The following ADGRL4 variants were observed in gnomAD, a reference collection of about 807,000 sequenced individuals.
ADGRL4 encodes adhesion G protein-coupled receptor L4, also known as EGF, latrophilin and seven transmembrane domain containing 1.
Under a neutral mutation model 74.8 loss-of-function variants are expected in ADGRL4, and 90 were observed. That is an observed-to-expected ratio of 1.20 (90% CI 1.02 to 1.43). ADGRL4 has a LOEUF of 1.43. ADGRL4 is among the 40% of genes most tolerant of loss of function. The pLI is 0.00. For missense variants in ADGRL4, 881 were observed against 814.3 expected (o/e 1.08, Z -1.00); for synonymous variants, 311 against 279.2 (o/e 1.11, Z -1.14).
At chr1:78,909,745 G>T (rs867271070) in intron 12 of ADGRL4, among the ~76,000 whole-genome samples, 4 of 151,816 alleles carry the variant, frequency 2.6e-5, no homozygotes, top group Non-Finnish European at 5.9e-5. Flanking sequence ...AGGACAATTT[G>T]TAAATTTTAA....
intron 2 of ADGRL4, among the ~76,000 whole-genome samples, chr1:78,981,265 T>G (rs77417425): frequency 0.016 from 2,369 of 151,962 alleles, 63 homozygotes; most frequent in African/African-American, 0.055. Context: ...GATAAAAAAT[T>G]TAATATTTTA....
At chr1:78,960,984 A>G (rs1351398877) in intron 2 of ADGRL4, among the ~76,000 whole-genome samples, 1 of 152,226 alleles carries the variant, frequency 6.6e-6, no homozygotes, top group Non-Finnish European at 1.5e-5. Context: ...CATTTTATGC[A>G]CCCATATTTA....
chr1:78,968,957 G>A (rs1009518264), intron 2 of ADGRL4, among the ~76,000 whole-genome samples: 2 of 152,182 alleles, frequency 1.3e-5, no homozygotes, highest in African/African-American at 4.8e-5. Flanking sequence ...GAGCTGAAAT[G>A]TTCAAGAATA....
rs977244646 is a variant in ADGRL4 at position 78,977,027 on chromosome 1, T to C, written c.172+28043A>G. 2.8e-4 allele frequency among the ~76,000 whole-genome samples: 43 copies of C among 151,702 alleles called. 1 individual carries two copies. Among genetic ancestry groups the C allele is most frequent in the Non-Finnish European group, 3.0e-5 (2 of 67,772 alleles). ...ACAGAGGGAAGAATCCTAAATATAATTGTAACACTTAATCCAACTATACAT... is the reference window on the plus strand; with the variant it reads ...ACAGAGGGAAGAATCCTAAATATAACTGTAACACTTAATCCAACTATACAT... On this transcript the variant is annotated intron_variant, in intron 2 of 14. Transcript: ENST00000370742.
intron 4 of ADGRL4, among the ~76,000 whole-genome samples, chr1:78,938,533 T>TA (rs1649407985): frequency 9.8e-6 from 1 of 102,194 alleles, no homozygotes; most frequent in Admixed American, 1.1e-4. Context: ...AATAATTTTT[T>TA]TAAATGAGCT....
intron 2 of ADGRL4, among the ~76,000 whole-genome samples, chr1:78,957,009 T>G (rs1649848044): frequency 6.6e-6 from 1 of 152,200 alleles, no homozygotes; most frequent in South Asian, 2.1e-4. Context: ...GACTTTTTCA[T>G]GATCACTATA....
intron 12 of ADGRL4, among the ~76,000 whole-genome samples, chr1:78,898,874 G>A (rs1648455713): frequency 6.6e-6 from 1 of 152,128 alleles, no homozygotes; most frequent in South Asian, 2.1e-4. Context: ...AATTTTTTAA[G>A]TGTCTTTAAA....
chr1:78,957,890 A>C (rs2100705225), intron 2 of ADGRL4, among the ~76,000 whole-genome samples: 1 of 152,334 alleles, frequency 6.6e-6, no homozygotes, highest in African/African-American at 2.4e-5. Context: ...TTCAAAGCAC[A>C]GGCTGATGCT....
chr1:78,920,384 A>G lies in ADGRL4; in HGVS notation c.1260T>C (p.Gly420=). 6.5e-7 allele frequency: 1 copy of G among 1,542,712 alleles called. No individual in the cohort carries two copies. The change falls in exon 10 of 15, where the codon GGT becomes GGC. Residue 420 remains glycine (G), a splice_region_variant and synonymous_variant. Coordinates refer to ENST00000370742, the MANE Select transcript of ADGRL4 (RefSeq NM_022159.4). ...AILMSSGPSI[G]IKDYNILTRI... ...TTGTAAGAATATTATAATCTTTAAT[A>G]CCCTAAGGGAAAATAATAATAAAGC...
chr1:78,991,840 C>G (rs1650613745), intron 2 of ADGRL4, among the ~76,000 whole-genome samples: 2 of 151,904 alleles, frequency 1.3e-5, no homozygotes, highest in Admixed American at 1.3e-4. Flanking sequence ...GATTAACTTG[C>G]TAGTACGGTG....
At position 78,917,957 on chromosome 1, in the gene ADGRL4, C is replaced by A. The variant is rs1648913320; in HGVS notation, c.1555G>T (p.Val519Phe). ...CIEGIHLYLI[V>F]VGVIYNKGFL... is the part of the protein sequence containing the mutation. ...CCCTTGTTGTAGATGACACCCACAA[C>A]AATGAGATAGAGATGTATGCCTTCA... Residue 519 changes from valine to phenylalanine, a missense_variant, in exon 11 of 15, where the codon GTT becomes TTT. Val to Phe is a conservative substitution (Grantham distance 50, BLOSUM62 -1). Coordinates refer to ENST00000370742, the MANE Select transcript of ADGRL4 (RefSeq NM_022159.4). 1 of 1,611,258 alleles carries A rather than the reference C, an allele frequency of 6.2e-7. No homozygotes were observed. Among genetic ancestry groups the A allele is most frequent in the Non-Finnish European group, 8.5e-7 (1 of 1,178,886 alleles).
chr1:78,926,803 G>A, intron 8 of ADGRL4, 83 bp downstream of exon 8: 11 of 984,598 alleles, frequency 1.1e-5, no homozygotes, highest in Non-Finnish European at 1.7e-5. Flanking sequence ...CAAGAACTCA[G>A]ATAATTTAAG....
At chr1:78,891,792 C>T (rs1648280516) in intron 13 of ADGRL4, 100 bp from the exon 14 acceptor site, 1 of 1,026,450 alleles carries the variant, frequency 9.7e-7, no homozygotes, top group Non-Finnish European at 1.4e-6. Flanking sequence ...TCAGTATAAC[C>T]AAGAAACCTT....
intron 9 of ADGRL4, among the ~76,000 whole-genome samples, chr1:78,921,306 A>T (rs1415794405): frequency 1.3e-5 from 2 of 151,142 alleles, no homozygotes; most frequent in African/African-American, 4.9e-5. Flanking sequence ...AAATTCCGTG[A>T]TACATTAAAA....
Position 78,890,979 on chromosome 1 carries a change from T to G in ADGRL4, c.*175A>C, listed in dbSNP as rs1570203339. The stretch of plus-strand genomic sequence containing the variant: ...AAACATAGTATATCTATATGATACA[T>G]AATTTTACCTTATTATCTACAGTTC... On this transcript the variant is annotated 3_prime_UTR_variant, in exon 15 of 15. Coordinates refer to ENST00000370742, the MANE Select transcript of ADGRL4 (RefSeq NM_022159.4). 1.5e-6 allele frequency: 1 copy of G among 658,096 alleles called. No homozygotes were observed. The highest frequency in any genetic ancestry group is 2.8e-5 in the East Asian group (1 of 36,170). 40.8% of individuals were successfully genotyped at this position (658,096 alleles called of 1,614,324 possible). A position where few individuals can be genotyped will look rare whatever the true frequency, so the allele number is the denominator to read the frequency against.
chr1:78,906,572 C>A (rs1648639941), intron 12 of ADGRL4, among the ~76,000 whole-genome samples: 1 of 151,874 alleles, frequency 6.6e-6, no homozygotes, highest in Non-Finnish European at 1.5e-5. Context: ...AGAGCATTTA[C>A]AACAATGTAA....
chr1:78,992,926 A>G (rs1269029720), intron 2 of ADGRL4, among the ~76,000 whole-genome samples: 2 of 152,154 alleles, frequency 1.3e-5, no homozygotes, highest in African/African-American at 4.8e-5. Flanking sequence ...ATTAAATTAT[A>G]TCTTGGGCAG....
chr1:78,932,103 ACC>A (rs1223106325), intron 7 of ADGRL4, among the ~76,000 whole-genome samples: 1 of 151,420 alleles, frequency 6.6e-6, no homozygotes, highest in Non-Finnish European at 1.5e-5. Context: ...CAGAACTCTT[ACC>A]CCCAAATCAA....
At position 78,918,061 on chromosome 1, in the gene ADGRL4, A is replaced by AAT; in HGVS notation, c.1462-12_1462-11insAT. 6.4e-7 allele frequency: 1 copy of AAT among 1,571,946 alleles called. No homozygotes were observed. ...GATTGAACAGAAGAGCTAGAAATCA[A>AAT]AGAAAAAAAAAAAAACATTGTCAGT... On this transcript the variant is annotated splice_polypyrimidine_tract_variant and intron_variant, in intron 10 of 14. Coordinates refer to ENST00000370742, the MANE Select transcript of ADGRL4 (RefSeq NM_022159.4).
Sources: allele counts gnomAD v4.1 joint callset (sites outside exome capture counted in the v4.1 genomes callset), GRCh38; gene constraint gnomAD v4.1.1; transcripts MANE v1.5; gene names NCBI Gene and HGNC (gene_info 2026-07-23, HGNC 2026-07-21).